KIFC3: variants seen among roughly 807,000 people sequenced by gnomAD.
The protein encoded by KIFC3 is kinesin family member C3, also known as kinesin-like protein KIFC3.
Under a neutral mutation model 101.8 loss-of-function variants are expected in KIFC3, and 60 were observed. The ratio of observed to expected loss-of-function variants is 0.59; its 90% CI spans 0.48 to 0.73. The LOEUF is 0.73. Among genes scored for constraint, KIFC3 ranks in the 30% least tolerant of loss-of-function variants. The pLI, the probability that KIFC3 is intolerant of heterozygous loss-of-function variation, is 0.00. For missense variants in KIFC3, 966 were observed against 1,137.1 expected (o/e 0.85, Z 2.16); for synonymous variants, 476 against 482.7 (o/e 0.99, Z 0.18).
In KIFC3 at chr16:57,760,917, C is replaced by T. The variant is rs1363628983; in HGVS notation, c.2041G>A (p.Val681Met). The T allele has an allele frequency of 3.1e-6, 5 of 1,607,698 alleles. No homozygotes were observed. Among genetic ancestry groups the T allele is most frequent in the Admixed American group, 1.7e-5 (1 of 59,796 alleles). Residue 681 changes from valine (V) to methionine (M), a missense_variant, in exon 16 of 20, where the codon GTG becomes ATG. Physicochemically the swap from Val to Met is conservative, Grantham distance 21. This residue lies in a region of KIFC3 where 689 missense variants were observed against 884.6 expected (regional missense o/e 0.78). Transcript: ENST00000445690. Reference sequence around the variant, plus strand: ...CTGCCCTCGGCCCCCGACTTGCCCACGCGCTCCGAGCCAGCCAAGTCCACC... The same window carrying T: ...CTGCCCTCGGCCCCCGACTTGCCCATGCGCTCCGAGCCAGCCAAGTCCACC... ...NLVDLAGSERVGKSGAEGSRL... is the reference protein window; with the variant it reads ...NLVDLAGSERMGKSGAEGSRL...
intron 1 of KIFC3, among the ~76,000 whole-genome samples, chr16:57,848,879 C>G (rs1282336521): frequency 6.6e-6 from 1 of 152,190 alleles, no homozygotes; most frequent in Admixed American, 6.5e-5. Flanking sequence ...TGACCTTAAA[C>G]TTTGTTTTCA....
chr16:57,778,782 C>T (rs989379181), intron 3 of KIFC3, among the ~76,000 whole-genome samples: 2 of 152,180 alleles, frequency 1.3e-5, no homozygotes, highest in African/African-American at 2.4e-5. Flanking sequence ...GAGCGAGTCC[C>T]AGCTACTCCA....
intron 1 of KIFC3, among the ~76,000 whole-genome samples, chr16:57,839,138 A>T (rs1167126313): frequency 1.3e-5 from 2 of 151,912 alleles, no homozygotes. Context: ...GGCTGCAGTG[A>T]GTTATGATCA....
chr16:57,782,774 T>C (rs1344169893), intron 3 of KIFC3, among the ~76,000 whole-genome samples: 1 of 152,098 alleles, frequency 6.6e-6, no homozygotes, highest in Non-Finnish European at 1.5e-5. Context: ...TGAAACCCCG[T>C]CTCTACTGAA....
At chr16:57,786,783 C>T (rs572515250) in intron 3 of KIFC3, among the ~76,000 whole-genome samples, 1 of 152,300 alleles carries the variant, frequency 6.6e-6, no homozygotes, top group Non-Finnish European at 1.5e-5. Context: ...CCTCTGACAG[C>T]CTGGCCTGAG....
At chr16:57,811,008 C>T (rs937745318) in intron 1 of KIFC3, among the ~76,000 whole-genome samples, 1 of 152,184 alleles carries the variant, frequency 6.6e-6, no homozygotes, top group African/African-American at 2.4e-5. Context: ...GACTGGTGAC[C>T]TTCTCAGGGC....
intron 1 of KIFC3, among the ~76,000 whole-genome samples, chr16:57,831,832 GACCTGGGAACCC>G (rs2055586032): frequency 1.3e-5 from 2 of 152,162 alleles, no homozygotes; most frequent in Non-Finnish European, 2.9e-5. Context: ...TCACCAGGTA[GACCTGGGAACCC>G]TGATCAGTTT....
chr16:57,778,096 T>A (rs1198814927), intron 3 of KIFC3, among the ~76,000 whole-genome samples: 1 of 152,090 alleles, frequency 6.6e-6, no homozygotes, highest in African/African-American at 2.4e-5. Context: ...CTGGGCAACA[T>A]AGGGAAACCC....
chr16:57,815,588 C>T, intron 1 of KIFC3: 1 of 1,289,930 alleles, frequency 7.8e-7, no homozygotes, highest in Non-Finnish European at 1.0e-6. Flanking sequence ...ACCAGGGAGG[C>T]TGGGGGTGCC....
chr16:57,858,579 T>C (rs1159127256), intron 1 of KIFC3, among the ~76,000 whole-genome samples: 1 of 152,144 alleles, frequency 6.6e-6, no homozygotes, highest in Non-Finnish European at 1.5e-5. Flanking sequence ...TTGCATGTCA[T>C]TAACTTTCTA....
rs115064348 is a variant in KIFC3, at chr16:57,774,461, T to C, written c.316-2173A>G. 9.6e-3 allele frequency among the ~76,000 whole-genome samples: 1,455 copies of C among 152,198 alleles called. 29 individuals carry two copies. The highest frequency in any genetic ancestry group is 0.033 in the African/African-American group (1,370 of 41,510). On this transcript the variant is annotated intron_variant, in intron 3 of 19. Coordinates refer to ENST00000445690, the MANE Select transcript of KIFC3 (RefSeq NM_001130100.2). Reference sequence around the variant, plus strand: ...TGAAAAACCATTAAGTGTACAGCACTAAAAAGTGGGGGTCTCTGGGCTGTG... The same window carrying C: ...TGAAAAACCATTAAGTGTACAGCACCAAAAAGTGGGGGTCTCTGGGCTGTG...
At chr16:57,807,126 A>G (rs1555627099), upstream of KIFC3, among the ~76,000 whole-genome samples, 1 of 152,088 alleles carries the variant, frequency 6.6e-6, no homozygotes, top group Non-Finnish European at 1.5e-5. Flanking sequence ...CTGAGGCAGG[A>G]GAATTGCTTG....
chr16:57,772,650 CCTGT>C (rs1418254231), intron 3 of KIFC3, among the ~76,000 whole-genome samples: 2 of 152,124 alleles, frequency 1.3e-5, no homozygotes, highest in Admixed American at 6.5e-5. Context: ...CCTGTACCTG[CCTGT>C]GTCTATGTAA....
intron 3 of KIFC3, chr16:57,791,008 T>A: frequency 1.3e-6 from 1 of 745,162 alleles, no homozygotes; most frequent in Non-Finnish European, 1.6e-6. Context: ...CTGAGGCGGG[T>A]GGATCACCTG....
At chr16:57,803,303 AG>A (rs1555626232), upstream of KIFC3, 1 of 690,424 alleles carries the variant, frequency 1.4e-6, no homozygotes, top group Non-Finnish European at 2.7e-6. Flanking sequence ...GCTGACCTGG[AG>A]GAGCCACTCT....
intron 3 of KIFC3, among the ~76,000 whole-genome samples, chr16:57,772,689 G>C (rs1006172866): frequency 6.6e-6 from 1 of 152,078 alleles, no homozygotes. Context: ...TCTTTAAAAG[G>C]GCCCCCAGAT....
intron 1 of KIFC3, among the ~76,000 whole-genome samples, chr16:57,847,062 G>C (rs539405400): frequency 6.6e-6 from 1 of 151,930 alleles, no homozygotes; most frequent in African/African-American, 2.4e-5. Flanking sequence ...GCGAACACCT[G>C]TAATCTCAGC....
chr16:57,847,733 T>A (rs540867745), intron 1 of KIFC3, among the ~76,000 whole-genome samples: 5 of 151,798 alleles, frequency 3.3e-5, no homozygotes, highest in South Asian at 2.1e-4. Flanking sequence ...AATATATTTT[T>A]AGATTAAGTC....
At chr16:57,805,380 G>GAGGCTGCCA (rs1371453091), upstream of KIFC3, among the ~76,000 whole-genome samples, 1 of 152,166 alleles carries the variant, frequency 6.6e-6, no homozygotes, top group African/African-American at 2.4e-5. Context: ...ATTTGCATAG[G>GAGGCTGCCA]AGGCTGCCAA....
Sources: allele counts gnomAD v4.1 joint callset (sites outside exome capture counted in the v4.1 genomes callset), GRCh38; gene constraint gnomAD v4.1.1; regional missense constraint gnomAD v4.1.1; transcripts MANE v1.5; gene names NCBI Gene and HGNC (gene_info 2026-07-23, HGNC 2026-07-21).